The following DPYS variants were observed in gnomAD, a reference collection of about 807,000 sequenced individuals.
The protein encoded by DPYS is dihydropyrimidine amidohydrolase.
In DPYS, 39 loss-of-function variants were observed where a neutral mutation model predicts 50.3. The ratio of observed to expected loss-of-function variants is 0.78; its 90% CI spans 0.60 to 1.01. DPYS has a LOEUF of 1.01. Ranked by LOEUF, DPYS falls within the 50% of genes least tolerant of loss-of-function variation. The pLI is 0.00. For synonymous variants in DPYS, 245 were observed against 250.7 expected, an observed-to-expected ratio of 0.98 and a Z score of 0.22; for missense variants, 659 against 680.9, an observed-to-expected ratio of 0.97 and a Z score of 0.36.
At chr8:104,394,577 A>G (rs1452397577) in intron 7 of DPYS, among the ~76,000 whole-genome samples, 5 of 151,216 alleles carry the variant, frequency 3.3e-5, no homozygotes, top group Non-Finnish European at 5.9e-5. Flanking sequence ...CAACCCCAAC[A>G]CTTCTTACTG....
rs955675300 is a variant in DPYS, at chr8:104,383,367, T to C, written c.1444-2053A>G. 5.3e-5 allele frequency among the ~76,000 whole-genome samples: 8 copies of C among 152,298 alleles called. 1 individual carries two copies. Among genetic ancestry groups the C allele is most frequent in the African/African-American group, 1.9e-4 (8 of 41,558 alleles). On this transcript the variant is annotated intron_variant, in intron 8 of 9. Transcript: ENST00000351513. ...TCTTGCTTACCCCAGGTTTCTGGAA[T>C]AATCTGTTCACTCGTCAGTCTCCCC...
intron 4 of DPYS, among the ~76,000 whole-genome samples, chr8:104,437,112 T>A (rs1813179975): frequency 6.6e-6 from 1 of 152,162 alleles, no homozygotes; most frequent in East Asian, 1.9e-4. Flanking sequence ...AGGATTATGA[T>A]GGAGTCCCAG....
chr8:104,393,304 A>G (rs1349244919), intron 7 of DPYS, among the ~76,000 whole-genome samples: 1 of 152,122 alleles, frequency 6.6e-6, no homozygotes, highest in Non-Finnish European at 1.5e-5. Flanking sequence ...TTAACAACAC[A>G]TTTTTTCATT....
intron 7 of DPYS, among the ~76,000 whole-genome samples, chr8:104,404,157 T>G (rs1811917462): frequency 6.6e-6 from 1 of 152,140 alleles, no homozygotes. Context: ...TTATCCCTAT[T>G]TTATGGATGA....
chr8:104,418,201 G>A (rs1177914865), intron 7 of DPYS, among the ~76,000 whole-genome samples: 1 of 152,130 alleles, frequency 6.6e-6, no homozygotes, highest in Non-Finnish European at 1.5e-5. Context: ...CTCAGTGCTC[G>A]GGCTGCGGGC....
intron 4 of DPYS, among the ~76,000 whole-genome samples, chr8:104,434,421 G>T (rs186132589): frequency 6.6e-6 from 1 of 152,230 alleles, no homozygotes; most frequent in African/African-American, 2.4e-5. Flanking sequence ...TCCCTTCCCC[G>T]CATGGCCTGA....
At chr8:104,434,152 G>T (rs757756537) in intron 4 of DPYS, among the ~76,000 whole-genome samples, 1 of 81,652 alleles carries the variant, frequency 1.2e-5, no homozygotes, top group African/African-American at 5.0e-5. Context: ...GGGCTTCCTG[G>T]TTATAGGTAG....
chr8:104,381,079 A>G (rs996986408), intron 9 of DPYS, 105 bp downstream of exon 9: 3 of 939,658 alleles, frequency 3.2e-6, no homozygotes, highest in Non-Finnish European at 5.2e-6. Context: ...TGAGTCTTGG[A>G]TCACTGTGAA....
rs144362818 is a variant in DPYS, at chr8:104,428,926, G to A, written c.950+619C>T. On this transcript the variant is annotated intron_variant, in intron 5 of 9. Coordinates refer to ENST00000351513, the MANE Select transcript of DPYS (RefSeq NM_001385.3). ...GCTCACTGCAACCTCTGCCTCCTGG[G>A]TTCAAGTGATTCTCGTGCCTCAGCC... 8.7e-3 allele frequency among the ~76,000 whole-genome samples: 1,318 copies of A among 152,092 alleles called. 9 individuals are homozygous for A. Among genetic ancestry groups the A allele is most frequent in the Non-Finnish European group, 0.013 (877 of 67,978 alleles).
rs546864011 is a variant in DPYS, at chr8:104,455,696, G to A, written c.265-4292C>T. Reference sequence around the variant, plus strand: ...AGACTGGCCGAAATGGCCAGGGAGCGAGAAGCCAGACATGACAACATGAGC... The same window carrying A: ...AGACTGGCCGAAATGGCCAGGGAGCAAGAAGCCAGACATGACAACATGAGC... On this transcript the variant is annotated intron_variant, in intron 1 of 9. Coordinates refer to ENST00000351513, the MANE Select transcript of DPYS (RefSeq NM_001385.3). Among the ~76,000 whole-genome samples, 20 of 152,234 alleles carry A rather than the reference G, an allele frequency of 1.3e-4. No individual in the cohort carries two copies. The South Asian group carries it at 1.7e-3, about 13-fold the overall frequency.
chr8:104,385,286 C>A (rs1342371869), intron 8 of DPYS, among the ~76,000 whole-genome samples: 2 of 152,126 alleles, frequency 1.3e-5, no homozygotes, highest in African/African-American at 4.8e-5. Context: ...TGGTGATCTA[C>A]AAACATTTAT....
intron 7 of DPYS, among the ~76,000 whole-genome samples, chr8:104,399,866 CAAAAAAAAA>C (rs57562204): frequency 2.7e-4 from 14 of 52,532 alleles, no homozygotes; most frequent in Admixed American, 9.1e-4. Flanking sequence ...GACTCCGTCT[CAAAAAAAAA>C]AAAAAAAAAA....
intron 1 of DPYS, among the ~76,000 whole-genome samples, chr8:104,456,648 A>C (rs529917580): frequency 1.3e-5 from 2 of 152,332 alleles, no homozygotes; most frequent in East Asian, 3.9e-4. Flanking sequence ...CATGAAGCCT[A>C]GTTATTTCCT....
At chr8:104,421,310 C>T (rs1052132536) in intron 7 of DPYS, 35 of 152,076 alleles carry the variant, frequency 2.3e-4, no homozygotes, top group African/African-American at 8.5e-4. Context: ...AAATAATGTC[C>T]TTCATAAAGT....
intron 3 of DPYS, among the ~76,000 whole-genome samples, chr8:104,446,837 T>C (rs1164190482): frequency 1.3e-5 from 2 of 152,154 alleles, no homozygotes; most frequent in African/African-American, 4.8e-5. Flanking sequence ...GAAATAAATA[T>C]CATCTAGTTT....
At chr8:104,405,530 T>C (rs1811966989) in intron 7 of DPYS, among the ~76,000 whole-genome samples, 1 of 152,356 alleles carries the variant, frequency 6.6e-6, no homozygotes, top group Admixed American at 6.5e-5. Context: ...CATGCTAACA[T>C]TTCATTGACA....
chr8:104,459,075 A>G (rs1814029552), intron 1 of DPYS, among the ~76,000 whole-genome samples: 1 of 152,214 alleles, frequency 6.6e-6, no homozygotes, highest in Admixed American at 6.5e-5. Flanking sequence ...GATGCAATGA[A>G]ACATAACAGA....
chr8:104,403,177 G>T (rs1457822678), intron 7 of DPYS, among the ~76,000 whole-genome samples: 1 of 152,114 alleles, frequency 6.6e-6, no homozygotes, highest in Non-Finnish European at 1.5e-5. Context: ...CTCCAGATCT[G>T]GCAGGGTGTC....
At chr8:104,401,528 T>A (rs2853158) in intron 7 of DPYS, among the ~76,000 whole-genome samples, 3 of 151,950 alleles carry the variant, frequency 2.0e-5, no homozygotes, top group African/African-American at 2.4e-5. Flanking sequence ...CTGGAAAGCA[T>A]GCGGTTGATG....
Sources: allele counts gnomAD v4.1 joint callset (sites outside exome capture counted in the v4.1 genomes callset), GRCh38; gene constraint gnomAD v4.1.1; transcripts MANE v1.5; gene names NCBI Gene and HGNC (gene_info 2026-07-23, HGNC 2026-07-21).